The following GDAP1L1 variants were observed in gnomAD, a reference collection of about 807,000 sequenced individuals.
The protein encoded by GDAP1L1 is ganglioside induced differentiation associated protein 1 like 1, also known as ganglioside-induced differentiation-associated protein 1-like 1.
In GDAP1L1, 21 loss-of-function variants were observed where a neutral mutation model predicts 37.1. That is an observed-to-expected ratio of 0.57 (90% CI 0.40 to 0.81). The LOEUF (loss-of-function observed/expected upper bound fraction) is 0.81. Ranked by LOEUF, GDAP1L1 falls within the 40% of genes least tolerant of loss-of-function variation. The probability of loss-of-function intolerance (pLI) is 0.00; values close to 1 mark genes in which losing one functional copy is unlikely to be tolerated. For missense variants in GDAP1L1, 362 were observed against 491.6 expected (o/e 0.74, Z 2.49); for synonymous variants, 193 against 209.1 (o/e 0.92, Z 0.67).
At chr20:44,263,700 C>T (rs1234805988) in intron 4 of GDAP1L1, among the ~76,000 whole-genome samples, 1 of 152,044 alleles carries the variant, frequency 6.6e-6, no homozygotes, top group Admixed American at 6.6e-5. Flanking sequence ...AAAAATTAGC[C>T]GGGCATCATG....
chr20:44,264,805 C>A, intron 5 of GDAP1L1: 1 of 1,150,382 alleles, frequency 8.7e-7, no homozygotes, highest in Non-Finnish European at 1.1e-6. Context: ...AATAGTAGGA[C>A]CTGCCTCAAA....
chr20:44,268,213 C>T (rs1179875171), intron 5 of GDAP1L1, among the ~76,000 whole-genome samples: 1 of 152,244 alleles, frequency 6.6e-6, no homozygotes, highest in Non-Finnish European at 1.5e-5. Flanking sequence ...CCTGATCAAC[C>T]ACCTCCTAGC....
chr20:44,264,468 T>G lies in GDAP1L1; in HGVS notation c.669T>G (p.Asp223Glu). The G allele has an allele frequency of 6.6e-7, 1 of 1,519,266 alleles. No homozygotes were observed. The allele number at this position is 1,519,266 out of a possible 1,614,324, so 94.1% of individuals were successfully genotyped here. A position where few individuals can be genotyped will look rare whatever the true frequency, so the allele number is the denominator to read the frequency against. The change falls in exon 5 of 6, where the codon GAT (aspartate) becomes GAG (glutamate). Residue 223 changes from aspartate to glutamate, a missense_variant. Asp to Glu is a conservative substitution (Grantham distance 45). Coordinates refer to ENST00000342560, the MANE Select transcript of GDAP1L1 (RefSeq NM_024034.6). The stretch of plus-strand genomic sequence containing the variant: ...AGGCCAAGATCTTGGAGCATGATGA[T>G]GTGAGCTACCTGAAGAAGATCCTCG... ...KLMAKILEHD[D>E]VSYLKKILGE...
intron 1 of GDAP1L1, among the ~76,000 whole-genome samples, chr20:44,249,511 C>T (rs909560462): frequency 2.0e-5 from 3 of 152,160 alleles, no homozygotes; most frequent in Admixed American, 1.3e-4. Flanking sequence ...GAACTTCCTC[C>T]CCGCTAGAAC....
chr20:44,275,473 C>A (rs539895533), intron 5 of GDAP1L1, among the ~76,000 whole-genome samples: 1 of 152,026 alleles, frequency 6.6e-6, no homozygotes, highest in African/African-American at 2.4e-5. Flanking sequence ...TTCAAAGGTG[C>A]GGGGGCAAGC....
At position 44,249,288 on chromosome 20, in the gene GDAP1L1, T is replaced by G. The variant is rs998693687; in HGVS notation, c.180+1774T>G. Among the ~76,000 whole-genome samples, 9 of 152,302 alleles carry G rather than the reference T, an allele frequency of 5.9e-5. 1 individual carries two copies. On this transcript the variant is annotated intron_variant, in intron 1 of 5. Coordinates refer to ENST00000342560, the MANE Select transcript of GDAP1L1 (RefSeq NM_024034.6). ...CCTGATCTCAAGTGATCCACTCACT[T>G]TGGCCTCCCAAAGTGCTAGTATTAC...
At chr20:44,265,744 C>T (rs1036514569) in intron 5 of GDAP1L1, among the ~76,000 whole-genome samples, 4 of 152,158 alleles carry the variant, frequency 2.6e-5, no homozygotes, top group African/African-American at 9.7e-5. Context: ...TAAAGGGACA[C>T]ACATTCTCCA....
At chr20:44,264,759 C>T in intron 5 of GDAP1L1, 200 bp downstream of exon 5, 6 of 1,242,606 alleles carry the variant, frequency 4.8e-6, no homozygotes, top group Non-Finnish European at 6.4e-6. Flanking sequence ...GTTCTCCCCT[C>T]TCTGAAATTC....
chr20:44,269,971 C>T lies in GDAP1L1; in HGVS notation c.760+5412C>T, dbSNP rs1418779331. ...AATGTCACAGAAGCCATTAGATATTCCAGACTGACTCTCAAAGGAGAGGTC... is the reference window on the plus strand; with the variant it reads ...AATGTCACAGAAGCCATTAGATATTTCAGACTGACTCTCAAAGGAGAGGTC... On this transcript the variant is annotated intron_variant, in intron 5 of 5. Transcript: ENST00000342560. 2.0e-5 allele frequency among the ~76,000 whole-genome samples: 3 copies of T among 152,064 alleles called. No homozygotes were observed. In the East Asian group the frequency reaches 5.8e-4, roughly 29 times the overall value.
chr20:44,251,482 G>A (rs901897397), intron 1 of GDAP1L1, among the ~76,000 whole-genome samples: 2 of 152,254 alleles, frequency 1.3e-5, no homozygotes, highest in Admixed American at 1.3e-4. Context: ...AGAGAAGCAA[G>A]GGGGTGAAGG....
chr20:44,276,096 C>A (rs8124734), intron 5 of GDAP1L1, among the ~76,000 whole-genome samples: 3 of 150,994 alleles, frequency 2.0e-5, no homozygotes, highest in African/African-American at 7.3e-5. Flanking sequence ...CCGAGGCAGG[C>A]GGATCATCTA....
chr20:44,256,980 C>T (rs1240700245), intron 1 of GDAP1L1, among the ~76,000 whole-genome samples, 173 bp from the exon 2 acceptor site: 1 of 152,218 alleles, frequency 6.6e-6, no homozygotes, highest in Non-Finnish European at 1.5e-5. Flanking sequence ...CCACCAGGCA[C>T]ATGCCCCTGG....
intron 5 of GDAP1L1, chr20:44,264,772 T>G (rs952002850): frequency 8.2e-7 from 1 of 1,213,230 alleles, no homozygotes; most frequent in Non-Finnish European, 1.1e-6. Context: ...TGAAATTCAG[T>G]TTCCCATCTA....
At chr20:44,263,115 A>G (rs1254238167) in intron 3 of GDAP1L1, 115 bp from the exon 4 acceptor site, 1 of 783,168 alleles carries the variant, frequency 1.3e-6, no homozygotes, top group Non-Finnish European at 2.3e-6. Flanking sequence ...GGCTGTCGAC[A>G]GTATTACTCT....
chr20:44,247,112 C>A, upstream of GDAP1L1: 1 of 587,694 alleles, frequency 1.7e-6, no homozygotes, highest in Non-Finnish European at 3.0e-6. Context: ...GGGAGCCTGA[C>A]ACTGAGGGCT....
chr20:44,257,743 G>A (rs971529226), intron 2 of GDAP1L1, among the ~76,000 whole-genome samples: 4 of 152,098 alleles, frequency 2.6e-5, no homozygotes, highest in Admixed American at 6.5e-5. Context: ...GGGGTTACAG[G>A]GCAAGGACAG....
intron 3 of GDAP1L1, among the ~76,000 whole-genome samples, chr20:44,259,578 C>T (rs2073636160): frequency 6.6e-6 from 1 of 151,574 alleles, no homozygotes; most frequent in Admixed American, 6.6e-5. Context: ...TCACTGCAAC[C>T]TCCTCTGCCC....
chr20:44,279,756 C>T lies in GDAP1L1; in HGVS notation c.*456C>T, dbSNP rs2146073098. ...ACAGGACAAAGCCGACATCAAGACT[C>T]AACTCCTCTAACCGGTACCTCTGAA... On this transcript the variant is annotated 3_prime_UTR_variant, in exon 6 of 6. Transcript: ENST00000342560. 2.1e-6 allele frequency: 1 copy of T among 472,248 alleles called. No homozygotes were observed. Among genetic ancestry groups the T allele is most frequent in the South Asian group, 1.5e-5 (1 of 64,580 alleles). 29.3% of individuals were successfully genotyped at this position (472,248 alleles called of 1,614,324 possible).
chr20:44,247,397 G>C lies in GDAP1L1; in HGVS notation c.63G>C (p.Glu21Asp). 6.2e-7 allele frequency: 1 copy of C among 1,613,074 alleles called. No homozygotes were observed. Among genetic ancestry groups the C allele is most frequent in the East Asian group, 2.2e-5 (1 of 44,848 alleles). The change falls in exon 1 of 6, where the codon GAG becomes GAC. Residue 21 changes from glutamate to aspartate, a missense_variant. This residue lies in a region of GDAP1L1 where 277 missense variants were observed against 337.1 expected (regional missense o/e 0.82). Transcript: ENST00000342560. ...NCSWWPISAL[E>D]SDAAKPAEAP... is the part of the protein sequence containing the mutation. ...GCTGGTGGCCCATCTCCGCGCTGGA[G>C]AGCGATGCGGCCAAGCCAGCGGAGG...
Sources: gnomAD v4.1 joint callset for allele counts (sites outside exome capture counted in the v4.1 genomes callset) on GRCh38, gnomAD v4.1.1 for gene constraint, gnomAD v4.1.1 regional missense constraint, MANE v1.5 for transcripts, NCBI Gene and HGNC (gene_info 2026-07-23, HGNC 2026-07-21) for gene names.